Variants in GALNT2 observed in about 807,000 individuals in gnomAD.
GALNT2 encodes the protein polypeptide N-acetylgalactosaminyltransferase 2.
Under a neutral mutation model 81.4 loss-of-function variants are expected in GALNT2, and 31 were observed. That is an observed-to-expected ratio of 0.38 (90% CI 0.29 to 0.51). The LOEUF (loss-of-function observed/expected upper bound fraction) is 0.51, where lower values mean the gene tolerates loss of function less well. Ranked by LOEUF, GALNT2 falls within the 20% of genes least tolerant of loss-of-function variation. The pLI is 0.87. For missense variants in GALNT2, 629 were observed against 765.7 expected (o/e 0.82, Z 2.11); for synonymous variants, 303 against 287.4 (o/e 1.05, Z -0.55).
chr1:230,136,559 C>G (rs148718478), intron 1 of GALNT2, among the ~76,000 whole-genome samples: 3 of 152,306 alleles, frequency 2.0e-5, no homozygotes, highest in East Asian at 3.9e-4. Flanking sequence ...CCTGCCCTGT[C>G]GGAATATGTC....
At chr1:230,263,733 C>T (rs529133108) in intron 13 of GALNT2, 24 of 152,356 alleles carry the variant, frequency 1.6e-4, no homozygotes, top group African/African-American at 5.5e-4. Context: ...TCAGGCAGGT[C>T]GTGCCTTAAT....
intron 3 of GALNT2, among the ~76,000 whole-genome samples, chr1:230,217,936 T>C (rs1432374382): frequency 1.3e-5 from 2 of 152,220 alleles, no homozygotes; most frequent in Non-Finnish European, 2.9e-5. Context: ...TCATTCAAAC[T>C]GTAGCAGCCA....
chr1:230,220,888 A>G (rs1664525954), intron 3 of GALNT2, among the ~76,000 whole-genome samples: 1 of 152,156 alleles, frequency 6.6e-6, no homozygotes, highest in South Asian at 2.1e-4. Context: ...CTAGATACTA[A>G]TGGTCTACGC....
intron 1 of GALNT2, among the ~76,000 whole-genome samples, chr1:230,082,465 C>T (rs570323106): frequency 1.3e-5 from 2 of 152,352 alleles, no homozygotes; most frequent in South Asian, 4.1e-4. Flanking sequence ...TCATCTCTTC[C>T]TAGGGCCTCT....
chr1:230,066,842 A>C (rs546079637), upstream of GALNT2, among the ~76,000 whole-genome samples: 1 of 151,774 alleles, frequency 6.6e-6, no homozygotes, highest in South Asian at 2.1e-4. Flanking sequence ...GTCCCGGGGC[A>C]GCCACCTGTC....
intron 3 of GALNT2, among the ~76,000 whole-genome samples, chr1:230,206,999 T>C (rs1360935185): frequency 1.3e-5 from 2 of 150,694 alleles, no homozygotes; most frequent in African/African-American, 2.4e-5. Context: ...CCCGTCCCCC[T>C]TTCCTGCTTG....
At position 230,203,181 on chromosome 1, in the gene GALNT2, G is replaced by T; in HGVS notation, c.265G>T (p.Gly89Trp). ...CTTTAACCAGGAAGCTTATGTTGGA[G>T]GGACGATGGTCCGCTCCGGGCAGGA... is the stretch of plus-strand genomic sequence containing the variant. ...PDFNQEAYVG[G>W]TMVRSGQDPY... is the part of the protein sequence containing the mutation. The change falls in exon 3 of 16, where the codon GGG (glycine) becomes TGG (tryptophan). Residue 89 changes from glycine (G) to tryptophan (W), a missense_variant. Coordinates refer to ENST00000366672, the MANE Select transcript of GALNT2 (RefSeq NM_004481.5). 1 of 1,614,170 alleles carries T rather than the reference G, an allele frequency of 6.2e-7. No homozygotes were observed. The highest frequency in any genetic ancestry group is 8.5e-7 in the Non-Finnish European group (1 of 1,180,022).
intron 1 of GALNT2, among the ~76,000 whole-genome samples, chr1:230,110,564 A>T (rs994197653): frequency 3.9e-5 from 6 of 152,202 alleles, no homozygotes; most frequent in Non-Finnish European, 8.8e-5. Flanking sequence ...AAGTGAGTTA[A>T]TGTAACCAGA....
chr1:230,191,938 T>G (rs1480113083), intron 2 of GALNT2, among the ~76,000 whole-genome samples: 2 of 152,238 alleles, frequency 1.3e-5, no homozygotes, highest in Non-Finnish European at 2.9e-5. Flanking sequence ...GGCTGGACAT[T>G]AGGGACTGTA....
chr1:230,265,148 T>G, intron 13 of GALNT2, 93 bp from the exon 14 acceptor site: 1 of 1,549,824 alleles, frequency 6.5e-7, no homozygotes, highest in African/African-American at 1.4e-5. Flanking sequence ...CTCGTTCCTG[T>G]CACCTGTCAT....
rs1666414518 is a variant in GALNT2 at position 230,280,747 on chromosome 1, CAGGGGGCTTT to C, written c.*1290_*1299del. 1 of 152,668 alleles carries C rather than the reference CAGGGGGCTTT, an allele frequency of 6.6e-6. No individual in the cohort carries two copies. Among genetic ancestry groups the C allele is most frequent in the Non-Finnish European group, 1.5e-5 (1 of 68,436 alleles). 9.5% of individuals were successfully genotyped at this position (152,668 alleles called of 1,614,324 possible). ...CCCCGCCTGGCCAAGATGACTGCTTCAGGGGGCTTTGGGGAAAGAATTAGGAAGGGTCAGA... is the reference window on the plus strand; with the variant it reads ...CCCCGCCTGGCCAAGATGACTGCTTCGGGGAAAGAATTAGGAAGGGTCAGA... On this transcript the variant is annotated 3_prime_UTR_variant, in exon 16 of 16. Coordinates refer to ENST00000366672, the MANE Select transcript of GALNT2 (RefSeq NM_004481.5).
intron 1 of GALNT2, among the ~76,000 whole-genome samples, chr1:230,100,336 T>G (rs1280838659): frequency 1.1e-5 from 1 of 90,332 alleles, no homozygotes; most frequent in African/African-American, 4.7e-5. Flanking sequence ...TTTTTTTTTT[T>G]GAGATGGAGT....
At chr1:230,111,220 T>C (rs1012519042) in intron 1 of GALNT2, among the ~76,000 whole-genome samples, 17 of 152,344 alleles carry the variant, frequency 1.1e-4, no homozygotes, top group African/African-American at 4.1e-4. Flanking sequence ...GTGCGTACCA[T>C]GCATGCATGT....
chr1:230,134,023 A>G (rs1438903841), intron 1 of GALNT2, among the ~76,000 whole-genome samples: 1 of 151,646 alleles, frequency 6.6e-6, no homozygotes, highest in Non-Finnish European at 1.5e-5. Context: ...TCAACCAGAG[A>G]TCAGGTAAGT....
In GALNT2 at chr1:230,262,581, G is replaced by T; in HGVS notation, c.1145G>T (p.Arg382Leu). ...ATTTATTTTCTTTCTAGAAACACCC[G>T]CCGGGCAGCAGAGGTCTGGATGGAT... ...GSGTVFARNT[R>L]RAAEVWMDEY... Residue 382 changes from arginine (R) to leucine (L), a missense_variant, in exon 12 of 16, where the codon CGC (arginine) becomes CTC (leucine). Transcript: ENST00000366672. The T allele has an allele frequency of 6.2e-7, 1 of 1,613,786 alleles. No individual in the cohort carries two copies. Among genetic ancestry groups the T allele is most frequent in the Non-Finnish European group, 8.5e-7 (1 of 1,179,706 alleles).
At chr1:230,142,605 G>A (rs570796995) in intron 1 of GALNT2, among the ~76,000 whole-genome samples, 4 of 152,282 alleles carry the variant, frequency 2.6e-5, no homozygotes, top group East Asian at 1.9e-4. Context: ...TACGTGCATA[G>A]TAAGCACCAT....
At chr1:230,173,396 G>A (rs1232281979) in intron 1 of GALNT2, among the ~76,000 whole-genome samples, 2 of 152,314 alleles carry the variant, frequency 1.3e-5, no homozygotes, top group South Asian at 2.1e-4. Flanking sequence ...GAGCTGCTGA[G>A]CCCTCCCTTG....
intron 1 of GALNT2, among the ~76,000 whole-genome samples, chr1:230,071,144 G>A (rs7529252): frequency 0.27 from 41,069 of 152,154 alleles, 10,187 homozygotes; most frequent in African/African-American, 0.66. Flanking sequence ...AGTGAACCAG[G>A]AATCTTAAGT....
chr1:230,175,889 C>T (rs1662963812), intron 1 of GALNT2, among the ~76,000 whole-genome samples: 2 of 152,016 alleles, frequency 1.3e-5, no homozygotes, highest in African/African-American at 4.8e-5. Flanking sequence ...CATTCCCACT[C>T]TGACTTACAT....
Sources: allele counts gnomAD v4.1 joint callset (sites outside exome capture counted in the v4.1 genomes callset), GRCh38; gene constraint gnomAD v4.1.1; transcripts MANE v1.5; gene names NCBI Gene and HGNC (gene_info 2026-07-23, HGNC 2026-07-21).